The following SUGCT variants were observed in gnomAD, a reference collection of about 807,000 sequenced individuals.
SUGCT encodes succinyl-CoA:glutarate CoA-transferase.
Under a neutral mutation model 55.0 loss-of-function variants are expected in SUGCT, and 41 were observed. The ratio of observed to expected loss-of-function variants is 0.74; its 90% CI spans 0.58 to 0.97. The LOEUF is 0.97. Among genes scored for constraint, SUGCT ranks in the 50% least tolerant of loss-of-function variants. The pLI, the probability that SUGCT is intolerant of heterozygous loss-of-function variation, is 0.00. For synonymous variants in SUGCT, 187 were observed against 200.4 expected, an observed-to-expected ratio of 0.93 and a Z score of 0.56; for missense variants, 568 against 547.8, an observed-to-expected ratio of 1.04 and a Z score of -0.37.
intron 12 of SUGCT, among the ~76,000 whole-genome samples, chr7:40,571,595 G>A (rs1754274038): frequency 6.6e-6 from 1 of 152,128 alleles, no homozygotes; most frequent in African/African-American, 2.4e-5. Flanking sequence ...TACAGCATTT[G>A]ACATAGTATT....
At chr7:40,954,629 C>T in the SUGCT span, among the ~76,000 whole-genome samples, 1 of 152,156 alleles carries the variant, frequency 6.6e-6, no homozygotes, top group Non-Finnish European at 1.5e-5. Context: ...TGTGCAGAAG[C>T]TCTTTAGTTT....
intron 9 of SUGCT, among the ~76,000 whole-genome samples, chr7:40,431,697 T>G (rs1212070472): frequency 6.6e-6 from 1 of 152,214 alleles, no homozygotes; most frequent in African/African-American, 2.4e-5. Flanking sequence ...TTTCATGTTA[T>G]TGTAAATGGT....
At chr7:40,403,914 T>A (rs1196316953) in intron 9 of SUGCT, among the ~76,000 whole-genome samples, 3 of 152,244 alleles carry the variant, frequency 2.0e-5, no homozygotes, top group Admixed American at 2.0e-4. Context: ...TTGACTGGCT[T>A]GCTGGCTGAT....
At chr7:41,033,716 C>T in the SUGCT span, among the ~76,000 whole-genome samples, 1 of 151,978 alleles carries the variant, frequency 6.6e-6, no homozygotes, top group Non-Finnish European at 1.5e-5. Context: ...TTAGCAGAGC[C>T]CAGGAACTTG....
At chr7:40,750,383 G>A (rs535205812) in intron 13 of SUGCT, among the ~76,000 whole-genome samples, 1 of 152,046 alleles carries the variant, frequency 6.6e-6, no homozygotes, top group East Asian at 1.9e-4. Flanking sequence ...TTCTGATGGA[G>A]GTCAGTGAAA....
chr7:40,295,168 C>T (rs950609542), intron 8 of SUGCT, among the ~76,000 whole-genome samples: 1 of 152,046 alleles, frequency 6.6e-6, no homozygotes, highest in Admixed American at 6.6e-5. Context: ...GAAAAAAATG[C>T]CAAAATGATA....
At chr7:40,943,515 G>A in the SUGCT span, among the ~76,000 whole-genome samples, 5 of 143,498 alleles carry the variant, frequency 3.5e-5, no homozygotes, top group South Asian at 4.5e-4. Context: ...CCATCTATGA[G>A]TGAGAACATG....
At chr7:40,416,437 A>G (rs868102491) in intron 9 of SUGCT, among the ~76,000 whole-genome samples, 2 of 151,766 alleles carry the variant, frequency 1.3e-5, no homozygotes, top group Non-Finnish European at 3.0e-5. Context: ...TATAAATACT[A>G]TATTTATTTT....
chr7:40,773,809 G>A (rs747823213), intron 13 of SUGCT, among the ~76,000 whole-genome samples: 1 of 152,136 alleles, frequency 6.6e-6, no homozygotes, highest in African/African-American at 2.4e-5. Flanking sequence ...ATTCATTCCC[G>A]AAGCTGTGCA....
At chr7:40,804,346 A>T (rs1348655164) in intron 13 of SUGCT, among the ~76,000 whole-genome samples, 3 of 152,188 alleles carry the variant, frequency 2.0e-5, no homozygotes, top group African/African-American at 7.2e-5. Flanking sequence ...GAGGGCAGAT[A>T]CTTGGGACTT....
At chr7:40,197,526 C>G (rs939601986) in intron 6 of SUGCT, among the ~76,000 whole-genome samples, 1 of 152,152 alleles carries the variant, frequency 6.6e-6, no homozygotes, top group Non-Finnish European at 1.5e-5. Context: ...CATTGGGGGA[C>G]TGGTATGCTC....
At chr7:40,195,850 G>A (rs1051584677) in intron 6 of SUGCT, among the ~76,000 whole-genome samples, 1 of 151,346 alleles carries the variant, frequency 6.6e-6, no homozygotes, top group Non-Finnish European at 1.5e-5. Flanking sequence ...AGTGTCTGGG[G>A]TTACAGGTGC....
chr7:40,957,329 A>G, the SUGCT span, among the ~76,000 whole-genome samples: 15 of 151,708 alleles, frequency 9.9e-5, no homozygotes, highest in Non-Finnish European at 2.2e-4. Flanking sequence ...TATATTTAGG[A>G]TAGTTAGCTC....
chr7:41,009,347 T>C, the SUGCT span, among the ~76,000 whole-genome samples: 1 of 152,300 alleles, frequency 6.6e-6, no homozygotes, highest in African/African-American at 2.4e-5. Flanking sequence ...GAATAAAATG[T>C]TTCTTCATAA....
chr7:40,872,631 G>T, the SUGCT span, among the ~76,000 whole-genome samples: 1 of 152,178 alleles, frequency 6.6e-6, no homozygotes, highest in Non-Finnish European at 1.5e-5. Flanking sequence ...CATATTTTGA[G>T]TTCTGCCATT....
chr7:40,234,859 C>T (rs1788920961), intron 6 of SUGCT, among the ~76,000 whole-genome samples: 1 of 151,202 alleles, frequency 6.6e-6, no homozygotes, highest in South Asian at 2.1e-4. Flanking sequence ...CGGTGAGCCC[C>T]GACGGTGCCA....
At chr7:40,617,605 A>G (rs895488016) in intron 12 of SUGCT, among the ~76,000 whole-genome samples, 24 of 152,188 alleles carry the variant, frequency 1.6e-4, no homozygotes, top group Admixed American at 1.6e-3. Flanking sequence ...ATGCCATTAT[A>G]GAAATAACTT....
At chr7:40,264,673 A>G (rs944241592) in intron 7 of SUGCT, among the ~76,000 whole-genome samples, 14 of 152,226 alleles carry the variant, frequency 9.2e-5, no homozygotes, top group African/African-American at 3.4e-4. Context: ...TGAAAATACT[A>G]CCTTCATATT....
chr7:41,021,135 G>A, the SUGCT span, among the ~76,000 whole-genome samples: 47 of 152,256 alleles, frequency 3.1e-4, no homozygotes, highest in African/African-American at 1.1e-3. Context: ...GGGAAGAGTA[G>A]AAAAAGGCAC....
Sources: gnomAD v4.1 joint callset for allele counts (sites outside exome capture counted in the v4.1 genomes callset) on GRCh38, gnomAD v4.1.1 for gene constraint, MANE v1.5 for transcripts, NCBI Gene and HGNC (gene_info 2026-07-23, HGNC 2026-07-21) for gene names.